Variants in LPP observed in about 807,000 individuals in gnomAD.
LPP encodes LIM domain containing preferred translocation partner in lipoma, also known as lipoma-preferred partner.
LPP carries 38 observed loss-of-function variants against 60.4 expected under a neutral mutation model. The observed-to-expected ratio is 0.63, with a 90% CI of 0.49 to 0.83. The LOEUF is 0.83. Ranked by LOEUF, LPP falls within the 40% of genes least tolerant of loss-of-function variation. The pLI, the probability that LPP is intolerant of heterozygous loss-of-function variation, is 0.00. For missense variants in LPP, 902 were observed against 783.6 expected (o/e 1.15, Z -1.80); for synonymous variants, 328 against 290.8 (o/e 1.13, Z -1.30).
chr3:188,499,333 T>C lies in LPP; in HGVS notation c.306+14629T>C, dbSNP rs568102547. ...ATGCTAGGAAAGAGTCCACCCTTAC[T>C]CTTTTGTGTGTGGATATTAAATTTT... On this transcript the variant is annotated intron_variant, in intron 5 of 11. Coordinates refer to ENST00000617246, the MANE Select transcript of LPP (RefSeq NM_001375462.1). Among the ~76,000 whole-genome samples, 156 of 152,312 alleles carry C rather than the reference T, an allele frequency of 1.0e-3. 1 individual carries two copies. Among genetic ancestry groups the C allele is most frequent in the Admixed American group, 4.0e-3 (61 of 15,302 alleles).
At chr3:188,708,633 AATTTT>A (rs1255493415) in intron 8 of LPP, 2 of 566,244 alleles carry the variant, frequency 3.5e-6, no homozygotes, top group Non-Finnish European at 6.2e-6. Context: ...CTTAGATACA[AATTTT>A]ATTGTTGAGA....
At chr3:188,862,373 G>T (rs753662337) in intron 9 of LPP, among the ~76,000 whole-genome samples, 1 of 152,142 alleles carries the variant, frequency 6.6e-6, no homozygotes, top group Non-Finnish European at 1.5e-5. Flanking sequence ...AATCCTATGG[G>T]AGTGGAAGAA....
intron 9 of LPP, among the ~76,000 whole-genome samples, chr3:188,803,403 A>G (rs546213196): frequency 1.3e-5 from 2 of 152,258 alleles, no homozygotes; most frequent in African/African-American, 4.8e-5. Flanking sequence ...CATTTTAAAT[A>G]TGGCCATAGT....
At chr3:188,185,262 G>A (rs1726239722) in intron 1 of LPP, among the ~76,000 whole-genome samples, 1 of 151,830 alleles carries the variant, frequency 6.6e-6, no homozygotes. Flanking sequence ...GTGAAATCGG[G>A]GAGCGGGCGG....
intron 2 of LPP, among the ~76,000 whole-genome samples, chr3:188,319,204 C>A (rs1455579994): frequency 6.6e-6 from 1 of 152,204 alleles, no homozygotes; most frequent in Non-Finnish European, 1.5e-5. Context: ...TTCTCAGGAA[C>A]ACACACTGGA....
At chr3:188,273,292 A>G (rs1738447130) in intron 2 of LPP, among the ~76,000 whole-genome samples, 1 of 152,218 alleles carries the variant, frequency 6.6e-6, no homozygotes, top group African/African-American at 2.4e-5. Flanking sequence ...CAACTAGGGC[A>G]CCACGATGGA....
intron 4 of LPP, among the ~76,000 whole-genome samples, chr3:188,433,466 C>T (rs1252396823): frequency 6.6e-6 from 1 of 151,800 alleles, no homozygotes; most frequent in African/African-American, 2.4e-5. Context: ...TGTCTCTTAG[C>T]AACCAACCCC....
chr3:188,811,113 G>T (rs2151309419), intron 9 of LPP, among the ~76,000 whole-genome samples: 1 of 151,942 alleles, frequency 6.6e-6, no homozygotes. Flanking sequence ...TGCATATAAT[G>T]ATTTCAGTAA....
rs893455620 is a variant in LPP, at chr3:188,182,371, C to T, written c.-190+28119C>T. 6.6e-6 allele frequency among the ~76,000 whole-genome samples: 1 copy of T among 152,200 alleles called. No homozygotes were observed. The highest frequency in any genetic ancestry group is 1.5e-5 in the Non-Finnish European group (1 of 68,040). On this transcript the variant is annotated intron_variant, in intron 1 of 11. Transcript: ENST00000617246. The surrounding 1 kb of genome is among the most constrained non-coding windows in gnomAD (Gnocchi z 4.4). ...TAGAGCTCACCTCTGCTATATTCAT[C>T]ATGTACTTATTTATAGTCATCCCTA...
intron 2 of LPP, among the ~76,000 whole-genome samples, chr3:188,237,804 A>G (rs995958029): frequency 6.6e-6 from 1 of 152,178 alleles, no homozygotes; most frequent in African/African-American, 2.4e-5. Context: ...ATAATTCTTA[A>G]GGACCCTAAG....
chr3:188,482,017 G>A (rs13061491), intron 4 of LPP, among the ~76,000 whole-genome samples: 27,071 of 152,040 alleles, frequency 0.18, 2,580 homozygotes, highest in East Asian at 0.28. Context: ...GGATCATGGG[G>A]GTGGTTCCTC....
At chr3:188,605,967 T>G (rs908059642) in intron 6 of LPP, among the ~76,000 whole-genome samples, 2 of 152,134 alleles carry the variant, frequency 1.3e-5, no homozygotes, top group African/African-American at 4.8e-5. Context: ...TGGAGGACAC[T>G]GTTATCATTT....
At chr3:188,829,814 G>GT (rs1756649275) in intron 9 of LPP, among the ~76,000 whole-genome samples, 1 of 151,998 alleles carries the variant, frequency 6.6e-6, no homozygotes, top group Non-Finnish European at 1.5e-5. Flanking sequence ...AAGCCTCAGG[G>GT]TTTTTTTACT....
At chr3:188,858,982 A>G (rs1467749661) in intron 9 of LPP, among the ~76,000 whole-genome samples, 1 of 151,042 alleles carries the variant, frequency 6.6e-6, no homozygotes, top group African/African-American at 2.4e-5. Context: ...CCAGCTACTC[A>G]AGAGGCTGAG....
intron 4 of LPP, among the ~76,000 whole-genome samples, chr3:188,411,700 A>G (rs1398373566): frequency 6.6e-6 from 1 of 152,152 alleles, no homozygotes; most frequent in Non-Finnish European, 1.5e-5. Context: ...AAAAAGATAC[A>G]ACAAACAACA....
intron 3 of LPP, among the ~76,000 whole-genome samples, chr3:188,375,043 C>T (rs955350704): frequency 6.6e-6 from 1 of 152,128 alleles, no homozygotes; most frequent in Non-Finnish European, 1.5e-5. Context: ...AGCCTTGCAT[C>T]CCAGGGATGA....
At chr3:188,823,066 A>G (rs943965386) in intron 9 of LPP, among the ~76,000 whole-genome samples, 2 of 152,146 alleles carry the variant, frequency 1.3e-5, no homozygotes, top group African/African-American at 2.4e-5. Context: ...CAAAAGCCAT[A>G]TTTAGAATTC....
chr3:188,399,734 A>G (rs2148795008), intron 3 of LPP, among the ~76,000 whole-genome samples: 2 of 152,306 alleles, frequency 1.3e-5, no homozygotes, highest in African/African-American at 4.8e-5. Flanking sequence ...GTTTTGATAA[A>G]CACTACTCTA....
intron 7 of LPP, among the ~76,000 whole-genome samples, chr3:188,661,383 A>T (rs1476719518): frequency 2.0e-5 from 3 of 152,142 alleles, no homozygotes; most frequent in African/African-American, 7.2e-5. Context: ...ATCGTATGGT[A>T]AGAGTATGTT....
Sources: gnomAD v4.1 joint callset for allele counts (sites outside exome capture counted in the v4.1 genomes callset) on GRCh38, gnomAD v4.1.1 for gene constraint, Gnocchi (gnomAD v3.1) non-coding constraint, MANE v1.5 for transcripts, NCBI Gene and HGNC (gene_info 2026-07-23, HGNC 2026-07-21) for gene names.